Variants in DLC1 observed in about 807,000 individuals in gnomAD.
DLC1 encodes the protein rho GTPase-activating protein 7.
DLC1 carries 54 observed loss-of-function variants against 140.3 expected under a neutral mutation model. That is an observed-to-expected ratio of 0.38 (90% CI 0.31 to 0.48). The LOEUF (loss-of-function observed/expected upper bound fraction) is 0.48. Among genes scored for constraint, DLC1 ranks in the 20% least tolerant of loss-of-function variants. DLC1 has a pLI of 0.96. For missense variants in DLC1, 2,536 were observed against 1,907.0 expected, an observed-to-expected ratio of 1.33 and a Z score of -6.14; for synonymous variants, 986 against 728.1, an observed-to-expected ratio of 1.35 and a Z score of -5.70.
intron 1 of DLC1, among the ~76,000 whole-genome samples, chr8:13,574,530 T>A (rs930480271): frequency 2.0e-5 from 3 of 152,146 alleles, no homozygotes; most frequent in Admixed American, 1.3e-4. Context: ...AGCCACATAT[T>A]TTCCTAATTG....
At chr8:13,275,424 T>G (rs984474804) in intron 5 of DLC1, among the ~76,000 whole-genome samples, 6 of 152,134 alleles carry the variant, frequency 3.9e-5, no homozygotes, top group African/African-American at 1.4e-4. Flanking sequence ...CCAAAGAGGT[T>G]AAGAAAACAT....
chr8:13,401,019 T>C (rs1038900933), intron 3 of DLC1, among the ~76,000 whole-genome samples: 10 of 152,300 alleles, frequency 6.6e-5, no homozygotes, highest in African/African-American at 2.4e-4. Context: ...TTGTTTCTTG[T>C]AGTGTGTTGG....
chr8:13,424,671 C>T (rs1281888053), intron 2 of DLC1, among the ~76,000 whole-genome samples: 1 of 151,912 alleles, frequency 6.6e-6, no homozygotes, highest in East Asian at 1.9e-4. Flanking sequence ...CTCCCGGGTT[C>T]ATGCCACTCT....
intron 4 of DLC1, among the ~76,000 whole-genome samples, chr8:13,339,265 ACG>A (rs1295868445): frequency 6.6e-6 from 1 of 152,180 alleles, no homozygotes; most frequent in Non-Finnish European, 1.5e-5. Context: ...CTTCCAACTC[ACG>A]GAGGACAAGG....
chr8:13,170,798 C>G (rs1316329583), intron 5 of DLC1, among the ~76,000 whole-genome samples: 2 of 150,806 alleles, frequency 1.3e-5, no homozygotes, highest in South Asian at 2.1e-4. Context: ...ACATTATTTT[C>G]CAGACATCTA....
At chr8:13,536,234 G>C (rs562095461) in intron 1 of DLC1, 10 of 152,290 alleles carry the variant, frequency 6.6e-5, no homozygotes, top group African/African-American at 2.4e-4. Flanking sequence ...AGTGAAGGAA[G>C]GTCTGATCCG....
chr8:13,162,913 T>C (rs1158549871), intron 5 of DLC1, among the ~76,000 whole-genome samples: 1 of 152,190 alleles, frequency 6.6e-6, no homozygotes, highest in African/African-American at 2.4e-5. Flanking sequence ...AGACCCTGTT[T>C]CTAAAACTAA....
At chr8:13,152,824 G>GAAAAAA (rs773483544) in intron 5 of DLC1, among the ~76,000 whole-genome samples, 1,095 of 91,340 alleles carry the variant, frequency 0.012, 59 homozygotes, top group African/African-American at 0.044. Flanking sequence ...CTCTGGGGAA[G>GAAAAAA]AAAAAAAAAA....
intron 2 of DLC1, among the ~76,000 whole-genome samples, chr8:13,419,964 T>G (rs1455467840): frequency 3.3e-5 from 5 of 152,182 alleles, no homozygotes; most frequent in African/African-American, 7.2e-5. Flanking sequence ...GTCGAGGAAT[T>G]TATCCATTTC....
chr8:13,140,981 G>A (rs1393793698), intron 5 of DLC1, among the ~76,000 whole-genome samples: 2 of 152,142 alleles, frequency 1.3e-5, no homozygotes, highest in East Asian at 1.9e-4. Context: ...GTGGCTGGGT[G>A]CGGTGGCTCA....
At chr8:13,349,403 A>G (rs56023480) in intron 4 of DLC1, among the ~76,000 whole-genome samples, 3,305 of 152,230 alleles carry the variant, frequency 0.022, 122 homozygotes, top group African/African-American at 0.074. Flanking sequence ...AGAAAGAAAG[A>G]AAAAAACGGA....
chr8:13,225,834 T>G (rs1467383903), intron 5 of DLC1, among the ~76,000 whole-genome samples: 2 of 152,000 alleles, frequency 1.3e-5, no homozygotes, highest in Admixed American at 1.3e-4. Flanking sequence ...TCAGGATGGT[T>G]TGGATCTCCT....
intron 4 of DLC1, among the ~76,000 whole-genome samples, chr8:13,371,980 A>G (rs1235404983): frequency 6.6e-6 from 1 of 152,146 alleles, no homozygotes; most frequent in African/African-American, 2.4e-5. Context: ...GTGGCTCTAT[A>G]ATGGTACCTT....
rs527340983 is a variant in DLC1 at position 13,088,798 on chromosome 8, A to G, written c.4075-94T>C. The G allele has an allele frequency of 4.4e-5, 45 of 1,032,670 alleles. No homozygotes were observed. The African/African-American group carries it at 6.8e-4, about 16-fold the overall frequency. The allele number at this position is 1,032,670 out of a possible 1,614,324, so 64.0% of individuals were successfully genotyped here. A position where few individuals can be genotyped will look rare whatever the true frequency, so the allele number is the denominator to read the frequency against. Reference sequence around the variant, plus strand: ...TAGTTAGACTAACAATTTTAGTTACATATAATCAACGTTAATTGATTAAAT... The same window carrying G: ...TAGTTAGACTAACAATTTTAGTTACGTATAATCAACGTTAATTGATTAAAT... On this transcript the variant is annotated intron_variant, in intron 15 of 17. Coordinates refer to ENST00000276297, the MANE Select transcript of DLC1 (RefSeq NM_182643.3).
rs202004535 is a variant in DLC1, at chr8:13,099,915, A to G, written c.2422T>C (p.Tyr808His). The change falls in exon 9 of 18, where the codon TAC becomes CAC. Residue 808 changes from tyrosine to histidine, a missense_variant. By Grantham distance (83) the Tyr-to-His change is moderately conservative. Coordinates refer to ENST00000276297, the MANE Select transcript of DLC1 (RefSeq NM_182643.3). Reference sequence around the variant, plus strand: ...CCAGGCTTGTGATCTTCAGGGATGTAGAACACCGTGTCCTCTGGGTAGCTC... The same window carrying G: ...CCAGGCTTGTGATCTTCAGGGATGTGGAACACCGTGTCCTCTGGGTAGCTC... Reference protein sequence around the residue: ...RESYPEDTVFYIPEDHKPGTF... With the variant: ...RESYPEDTVFHIPEDHKPGTF... 1 of 1,614,072 alleles carries G rather than the reference A, an allele frequency of 6.2e-7. No homozygotes were observed. Among genetic ancestry groups the G allele is most frequent in the African/African-American group, 1.3e-5 (1 of 75,062 alleles).
intron 2 of DLC1, among the ~76,000 whole-genome samples, chr8:13,463,416 A>C (rs1224448386): frequency 6.6e-6 from 1 of 152,210 alleles, no homozygotes; most frequent in Non-Finnish European, 1.5e-5. Context: ...TACTTTCTTC[A>C]GGTCTGATTT....
intron 2 of DLC1, among the ~76,000 whole-genome samples, chr8:13,495,807 A>G (rs1801474460): frequency 6.6e-6 from 1 of 152,200 alleles, no homozygotes; most frequent in African/African-American, 2.4e-5. Context: ...TTAAAAGTAC[A>G]ATGATATCTC....
chr8:13,545,391 A>C (rs766381287), intron 1 of DLC1, among the ~76,000 whole-genome samples: 77 of 151,888 alleles, frequency 5.1e-4, no homozygotes, highest in Non-Finnish European at 9.4e-4. Context: ...CATAAATGTC[A>C]GGCAGGAAAA....
intron 5 of DLC1, among the ~76,000 whole-genome samples, chr8:13,161,224 G>A (rs1235243956): frequency 3.3e-5 from 5 of 152,196 alleles, no homozygotes; most frequent in South Asian, 2.1e-4. Context: ...AGATGAAGGC[G>A]TGCAGGAACA....
Sources: allele counts gnomAD v4.1 joint callset (sites outside exome capture counted in the v4.1 genomes callset), GRCh38; gene constraint gnomAD v4.1.1; transcripts MANE v1.5; gene names NCBI Gene and HGNC (gene_info 2026-07-23, HGNC 2026-07-21).